SUCLG2: variants seen among roughly 807,000 people sequenced by gnomAD.
The protein encoded by SUCLG2 is succinate--CoA ligase [GDP-forming] subunit beta, mitochondrial.
Under a neutral mutation model 47.9 loss-of-function variants are expected in SUCLG2, and 42 were observed. The ratio of observed to expected loss-of-function variants is 0.88; its 90% CI spans 0.69 to 1.14. The LOEUF (loss-of-function observed/expected upper bound fraction) is 1.14, where lower values mean the gene tolerates loss of function less well. Among genes scored for constraint, SUCLG2 ranks in the 50% most tolerant of loss-of-function variants. SUCLG2 has a pLI of 0.00. For synonymous variants in SUCLG2, 195 were observed against 197.3 expected (o/e 0.99, Z 0.10); for missense variants, 571 against 525.9 (o/e 1.09, Z -0.84).
intron 10 of SUCLG2, among the ~76,000 whole-genome samples, chr3:67,397,576 T>G (rs1702575306): frequency 6.6e-6 from 1 of 152,092 alleles, no homozygotes; most frequent in African/African-American, 2.4e-5. Flanking sequence ...ATCAATATCG[T>G]GAAAATGGCC....
chr3:67,607,027 A>G (rs373077610), intron 2 of SUCLG2, among the ~76,000 whole-genome samples: 3 of 152,378 alleles, frequency 2.0e-5, no homozygotes, highest in East Asian at 1.9e-4. Context: ...ATAGAAAATT[A>G]GAATATTGAA....
At chr3:67,454,235 A>C (rs1704126186) in intron 9 of SUCLG2, among the ~76,000 whole-genome samples, 1 of 152,180 alleles carries the variant, frequency 6.6e-6, no homozygotes, top group South Asian at 2.1e-4. Context: ...ACCCATTTAT[A>C]TATCTCCAGG....
intron 9 of SUCLG2, among the ~76,000 whole-genome samples, chr3:67,444,048 CGGGA>C (rs1156327019): frequency 8.5e-6 from 1 of 117,042 alleles, no homozygotes; most frequent in Non-Finnish European, 1.9e-5. Context: ...CCGCCCCGTC[CGGGA>C]GGGAGGTGGA....
At chr3:67,644,496 T>A (rs1701157704) in intron 1 of SUCLG2, among the ~76,000 whole-genome samples, 1 of 151,668 alleles carries the variant, frequency 6.6e-6, no homozygotes, top group African/African-American at 2.4e-5. Flanking sequence ...GATGGGGGAG[T>A]TAGCATTGAA....
At chr3:67,491,361 CTT>C (rs549763218) in intron 9 of SUCLG2, among the ~76,000 whole-genome samples, 6 of 125,802 alleles carry the variant, frequency 4.8e-5, no homozygotes, top group Admixed American at 8.3e-5. Context: ...TTTTCTTTTA[CTT>C]TTTTTTTTTT....
At chr3:67,432,103 T>C (rs1344151230) in intron 9 of SUCLG2, among the ~76,000 whole-genome samples, 2 of 152,142 alleles carry the variant, frequency 1.3e-5, no homozygotes, top group Non-Finnish European at 2.9e-5. Flanking sequence ...GAGATACTGT[T>C]AGCAGGCACT....
At chr3:67,564,534 C>T (rs1707400797) in intron 2 of SUCLG2, among the ~76,000 whole-genome samples, 1 of 152,258 alleles carries the variant, frequency 6.6e-6, no homozygotes. Context: ...TCCTCTCCTG[C>T]AGGTACTATG....
chr3:67,417,458 T>A (rs1703062549), intron 9 of SUCLG2, among the ~76,000 whole-genome samples: 1 of 152,238 alleles, frequency 6.6e-6, no homozygotes. Flanking sequence ...ATAATTCATA[T>A]AAATTCACCT....
chr3:67,610,152 C>G (rs1005165056), intron 1 of SUCLG2, among the ~76,000 whole-genome samples: 3 of 152,174 alleles, frequency 2.0e-5, no homozygotes, highest in African/African-American at 7.2e-5. Context: ...TGTTTAAACA[C>G]TCTGAAGTCA....
In SUCLG2 at chr3:67,455,228, A is replaced by G. The variant is rs550298836; in HGVS notation, c.1062+40570T>C. Among the ~76,000 whole-genome samples the G allele has an allele frequency of 6.6e-5, 10 of 152,310 alleles. No homozygotes were observed. The East Asian group carries it at 1.4e-3, about 21-fold the overall frequency. ...AATTGTAGCAAGTATTTTCAAATCC[A>G]TAACTTGAAACTGAGCTTTGTGGAT... is the stretch of plus-strand genomic sequence containing the variant. On this transcript the variant is annotated intron_variant, in intron 9 of 10. Transcript: ENST00000307227.
chr3:67,569,082 T>C (rs1188166899), intron 2 of SUCLG2, among the ~76,000 whole-genome samples: 1 of 152,180 alleles, frequency 6.6e-6, no homozygotes, highest in African/African-American at 2.4e-5. Context: ...ACCCCTATCC[T>C]AACTGGAATC....
chr3:67,464,978 C>T (rs1375403690), intron 9 of SUCLG2, among the ~76,000 whole-genome samples: 1 of 152,084 alleles, frequency 6.6e-6, no homozygotes, highest in Non-Finnish European at 1.5e-5. Flanking sequence ...GCTTGACAAT[C>T]GATTGCCTGA....
intron 9 of SUCLG2, among the ~76,000 whole-genome samples, chr3:67,471,465 T>C (rs1704603296): frequency 6.6e-6 from 1 of 152,142 alleles, no homozygotes; most frequent in African/African-American, 2.4e-5. Context: ...GCAGCCCCTC[T>C]AAATTCAAGC....
intron 2 of SUCLG2, among the ~76,000 whole-genome samples, chr3:67,591,581 C>T (rs1357982279): frequency 1.3e-5 from 2 of 152,140 alleles, no homozygotes; most frequent in Non-Finnish European, 2.9e-5. Flanking sequence ...TCTGCTTTTG[C>T]TTCTTCCTCA....
At chr3:67,652,899 A>T (rs1238999025) in intron 1 of SUCLG2, among the ~76,000 whole-genome samples, 1 of 152,184 alleles carries the variant, frequency 6.6e-6, no homozygotes, top group Non-Finnish European at 1.5e-5. Context: ...TTCTATCTTT[A>T]AAAAAACCTA....
chr3:67,632,590 C>T (rs148438442), intron 1 of SUCLG2, among the ~76,000 whole-genome samples: 22 of 152,214 alleles, frequency 1.4e-4, no homozygotes, highest in African/African-American at 4.8e-4. Context: ...CACTGGATCA[C>T]GGACTTGTTT....
intron 9 of SUCLG2, among the ~76,000 whole-genome samples, chr3:67,464,948 C>A (rs9815368): frequency 0.015 from 2,300 of 152,204 alleles, 56 homozygotes; most frequent in African/African-American, 0.053. Context: ...TGAGAGCTGC[C>A]AGGACGAATC....
At chr3:67,524,765 G>A (rs1460132014) in intron 4 of SUCLG2, among the ~76,000 whole-genome samples, 2 of 152,166 alleles carry the variant, frequency 1.3e-5, no homozygotes, top group Admixed American at 6.5e-5. Context: ...GAAAGTTATA[G>A]AGAAGAAGGG....
intron 2 of SUCLG2, among the ~76,000 whole-genome samples, chr3:67,565,424 T>A (rs542476268): frequency 2.6e-5 from 4 of 152,214 alleles, no homozygotes; most frequent in Non-Finnish European, 5.9e-5. Context: ...TTACCCCAAC[T>A]GTATAACCCA....
Sources: gnomAD v4.1 joint callset for allele counts (sites outside exome capture counted in the v4.1 genomes callset) on GRCh38, gnomAD v4.1.1 for gene constraint, MANE v1.5 for transcripts, NCBI Gene and HGNC (gene_info 2026-07-23, HGNC 2026-07-21) for gene names.